The following LRRC3B variants were observed in gnomAD, a reference collection of about 807,000 sequenced individuals.
The protein encoded by LRRC3B is leucine rich repeat containing 3B.
Under a neutral mutation model 12.8 loss-of-function variants are expected in LRRC3B, and 2 were observed. The observed-to-expected ratio is 0.16, with a 90% CI of 0.06 to 0.49. LRRC3B has a LOEUF of 0.49. Among genes scored for constraint, LRRC3B ranks in the 20% least tolerant of loss-of-function variants. LRRC3B has a pLI of 0.96. For synonymous variants in LRRC3B, 132 were observed against 122.0 expected (o/e 1.08, Z -0.54); for missense variants, 189 against 319.4 (o/e 0.59, Z 3.11).
At position 26,664,374 on chromosome 3, in the gene LRRC3B, C is replaced by T. The variant is rs140162939; in HGVS notation, c.-161+41137C>T. ...TCAGGTGTCTGTCCCCCCACCCCCA[C>T]GACTACTGCTACTACCCCTAGTTTT... On this transcript the variant is annotated intron_variant, in intron 1 of 1. Coordinates refer to ENST00000396641, the Ensembl canonical transcript of LRRC3B. 8.1e-4 allele frequency among the ~76,000 whole-genome samples: 123 copies of T among 152,142 alleles called. 1 individual carries two copies. Among genetic ancestry groups the T allele is most frequent in the East Asian group, 2.9e-3 (15 of 5,174 alleles).
At chr3:26,642,989 C>T (rs1699063105) in intron 1 of LRRC3B, among the ~76,000 whole-genome samples, 1 of 149,446 alleles carries the variant, frequency 6.7e-6, no homozygotes, top group Admixed American at 6.7e-5. Flanking sequence ...TGCACTCCAG[C>T]CTGGTGACAG....
intron 1 of LRRC3B, among the ~76,000 whole-genome samples, chr3:26,674,389 A>C (rs1178969718): frequency 6.6e-6 from 1 of 152,244 alleles, no homozygotes; most frequent in East Asian, 1.9e-4. Context: ...CTTTTGACTA[A>C]TTTAGCCAGA....
intron 1 of LRRC3B, among the ~76,000 whole-genome samples, chr3:26,697,309 T>G (rs1295567625): frequency 6.6e-6 from 1 of 152,204 alleles, no homozygotes; most frequent in Non-Finnish European, 1.5e-5. Flanking sequence ...TGCTTGCAAC[T>G]TTTAGCTTCT....
intron 1 of LRRC3B, among the ~76,000 whole-genome samples, chr3:26,656,886 G>A (rs1374556706): frequency 6.6e-6 from 1 of 152,166 alleles, no homozygotes; most frequent in Non-Finnish European, 1.5e-5. Context: ...GACTTAGCAT[G>A]GGACAATAGA....
chr3:26,651,838 C>G (rs1699271011), intron 1 of LRRC3B, among the ~76,000 whole-genome samples: 1 of 152,126 alleles, frequency 6.6e-6, no homozygotes, highest in African/African-American at 2.4e-5. Context: ...AGAAGGTTAC[C>G]TTATAATAAA....
chr3:26,627,452 G>A (rs1454207887), intron 1 of LRRC3B, among the ~76,000 whole-genome samples: 1 of 152,022 alleles, frequency 6.6e-6, no homozygotes, highest in Non-Finnish European at 1.5e-5. Context: ...CCATCCTATA[G>A]TGAGGACCTA....
intron 1 of LRRC3B, among the ~76,000 whole-genome samples, chr3:26,628,808 C>A (rs1698687095): frequency 6.9e-6 from 1 of 144,770 alleles, no homozygotes. Flanking sequence ...TAGTAAGGGC[C>A]ATTTAGTTCT....
chr3:26,643,627 C>T (rs930033262), intron 1 of LRRC3B, among the ~76,000 whole-genome samples: 4 of 152,172 alleles, frequency 2.6e-5, no homozygotes, highest in African/African-American at 9.7e-5. Context: ...GCCTTTTTTA[C>T]AGGCCACAAA....
intron 1 of LRRC3B, among the ~76,000 whole-genome samples, chr3:26,696,370 T>C (rs188446306): frequency 1.3e-4 from 20 of 152,350 alleles, no homozygotes; most frequent in Admixed American, 1.2e-3. Context: ...AAATTTTAAA[T>C]TAATAGCCTA....
At chr3:26,697,729 T>C (rs1023712105) in intron 1 of LRRC3B, among the ~76,000 whole-genome samples, 2 of 152,158 alleles carry the variant, frequency 1.3e-5, no homozygotes, top group South Asian at 4.1e-4. Flanking sequence ...CATCTAAATA[T>C]CACCCCAAAA....
chr3:26,646,598 T>TAAAAAAAAAAAAAAAAAAA (rs529066996), intron 1 of LRRC3B, among the ~76,000 whole-genome samples: 2 of 99,644 alleles, frequency 2.0e-5, no homozygotes, highest in East Asian at 3.8e-4. Flanking sequence ...GGATAGGAGG[T>TAAAAAAAAAAAAAAAAAAA]AAAAAAAAAA....
chr3:26,637,683 G>A (rs1698933233), intron 1 of LRRC3B, among the ~76,000 whole-genome samples: 1 of 152,096 alleles, frequency 6.6e-6, no homozygotes, highest in African/African-American at 2.4e-5. Flanking sequence ...ATAGATCCCT[G>A]GGCAGTCTGG....
At chr3:26,631,525 G>A (rs548741125) in intron 1 of LRRC3B, among the ~76,000 whole-genome samples, 2 of 152,348 alleles carry the variant, frequency 1.3e-5, no homozygotes, top group East Asian at 3.9e-4. Flanking sequence ...AGAGGGAACT[G>A]TGGTCATGGA....
Position 26,685,180 on chromosome 3 carries a change from C to T in LRRC3B, c.-160-24333C>T, listed in dbSNP as rs137929008. Among the ~76,000 whole-genome samples the T allele has an allele frequency of 4.7e-3, 718 of 151,962 alleles. 7 individuals are homozygous for T. The highest frequency in any genetic ancestry group is 0.017 in the African/African-American group (686 of 41,466). On this transcript the variant is annotated intron_variant, in intron 1 of 1. Coordinates refer to ENST00000396641, the Ensembl canonical transcript of LRRC3B. ...GTTGGTCAGGCTGGTCTCGAACTCC[C>T]GACCTCAGGTGATCCACCCACCTTG...
At chr3:26,684,239 T>C (rs1417548431) in intron 1 of LRRC3B, among the ~76,000 whole-genome samples, 4 of 152,186 alleles carry the variant, frequency 2.6e-5, no homozygotes, top group Admixed American at 1.3e-4. Context: ...TGAAAGTAGA[T>C]TGTATGTAAC....
chr3:26,698,234 T>C (rs779093208), intron 1 of LRRC3B, among the ~76,000 whole-genome samples: 4 of 152,210 alleles, frequency 2.6e-5, no homozygotes, highest in Admixed American at 1.3e-4. Flanking sequence ...TGTTATCTCA[T>C]TTAATCCTCA....
chr3:26,687,839 T>C (rs1442217886), intron 1 of LRRC3B, among the ~76,000 whole-genome samples: 1 of 152,110 alleles, frequency 6.6e-6, no homozygotes, highest in African/African-American at 2.4e-5. Flanking sequence ...GTATCAAGGG[T>C]TGAGATAATC....
chr3:26,703,176 G>C (rs1262006027), intron 1 of LRRC3B, among the ~76,000 whole-genome samples: 1 of 152,086 alleles, frequency 6.6e-6, no homozygotes, highest in Non-Finnish European at 1.5e-5. Flanking sequence ...ACAGGAATTA[G>C]ACATATTGAT....
At chr3:26,646,712 G>C (rs1039641470) in intron 1 of LRRC3B, among the ~76,000 whole-genome samples, 1 of 151,024 alleles carries the variant, frequency 6.6e-6, no homozygotes, top group South Asian at 2.1e-4. Flanking sequence ...AGGTGAAGAG[G>C]ATCCTGTGGA....
Sources: allele counts gnomAD v4.1 joint callset (sites outside exome capture counted in the v4.1 genomes callset), GRCh38; gene constraint gnomAD v4.1.1; transcripts MANE v1.5; gene names NCBI Gene and HGNC (gene_info 2026-07-23, HGNC 2026-07-21).